TTC6: variants seen among roughly 807,000 people sequenced by gnomAD.
TTC6 encodes the protein tetratricopeptide repeat domain 6.
A neutral mutation model predicts 210.4 loss-of-function variants in TTC6; 172 were observed. That is an observed-to-expected ratio of 0.82 (90% CI 0.72 to 0.93). TTC6 has a LOEUF of 0.93. Among genes scored for constraint, TTC6 ranks in the 40% least tolerant of loss-of-function variants. The pLI is 0.00. For synonymous variants in TTC6, 804 were observed against 819.6 expected, an observed-to-expected ratio of 0.98 and a Z score of 0.32; for missense variants, 2,414 against 2,318.1, an observed-to-expected ratio of 1.04 and a Z score of -0.85.
chr14:37,725,357 T>C lies in TTC6; in HGVS notation c.1818+355T>C, dbSNP rs1265116918. Among the ~76,000 whole-genome samples the C allele has an allele frequency of 3.9e-5, 5 of 129,440 alleles. No individual in the cohort carries two copies. In the East Asian group the frequency reaches 1.1e-3, roughly 29 times the overall value. 84.9% of individuals were successfully genotyped at this position (129,440 alleles called of 152,430 possible). Reference sequence around the variant, plus strand: ...ATATATATATATATATATATATATATAATTTTTTTTGAGATGGAGTTTTGC... The same window carrying C: ...ATATATATATATATATATATATATACAATTTTTTTTGAGATGGAGTTTTGC... On this transcript the variant is annotated intron_variant, in intron 7 of 30. Transcript: ENST00000553443.
At chr14:37,735,372 T>C (rs2095898816) in intron 7 of TTC6, among the ~76,000 whole-genome samples, 1 of 152,172 alleles carries the variant, frequency 6.6e-6, no homozygotes, top group Non-Finnish European at 1.5e-5. Flanking sequence ...AAACCACTGA[T>C]TACAAGATAG....
intron 29 of TTC6, among the ~76,000 whole-genome samples, chr14:37,836,799 G>C (rs1038904109): frequency 1.2e-4 from 19 of 152,098 alleles, no homozygotes; most frequent in African/African-American, 4.3e-4. Context: ...ATGGAGGTAA[G>C]ACTTAGGCTA....
chr14:37,806,646 A>G, intron 22 of TTC6, 136 bp downstream of exon 24: 1 of 821,548 alleles, frequency 1.2e-6, no homozygotes, highest in Non-Finnish European at 1.8e-6. Flanking sequence ...TATTTTCATA[A>G]TCCAAATAGC....
chr14:37,689,339 G>A (rs1344198865), intron 3 of TTC6, among the ~76,000 whole-genome samples: 1 of 151,916 alleles, frequency 6.6e-6, no homozygotes, highest in Non-Finnish European at 1.5e-5. Context: ...TCTCAAAAGG[G>A]CAAATCTAAG....
rs562098165 is a variant in TTC6, at chr14:37,807,215, C to T, written c.4315-105C>T. ...ATTTTAAAAAGACTATATTTTAATA[C>T]CCTTTTTGGGAGGCATAGATTTGTT... is the stretch of plus-strand genomic sequence containing the variant. On this transcript the variant is annotated intron_variant, in intron 22 of 30. Coordinates refer to ENST00000553443, the Ensembl canonical transcript of TTC6. 12 of 1,043,302 alleles carry T rather than the reference C, an allele frequency of 1.2e-5. No homozygotes were observed. In the South Asian group the frequency reaches 1.4e-4, roughly 12 times the overall value. 64.6% of individuals were successfully genotyped at this position (1,043,302 alleles called of 1,614,324 possible). A position where few individuals can be genotyped will look rare whatever the true frequency, so the allele number is the denominator to read the frequency against.
chr14:37,748,845 C>T (rs564597045), intron 10 of TTC6, 94 bp from the exon 13 acceptor site: 37 of 990,414 alleles, frequency 3.7e-5, no homozygotes, highest in Non-Finnish European at 5.1e-5. Context: ...GTTTTGATAA[C>T]AAATAGTAGT....
chr14:37,709,862 G>C (rs2095841847), intron 5 of TTC6, among the ~76,000 whole-genome samples: 1 of 152,106 alleles, frequency 6.6e-6, no homozygotes, highest in South Asian at 2.1e-4. Context: ...GCTATTTGTA[G>C]ATTAATATTT....
At chr14:37,683,064 G>C in intron 3 of TTC6, 100 bp downstream of exon 5, 1 of 1,025,664 alleles carries the variant, frequency 9.7e-7, no homozygotes, top group South Asian at 1.5e-5. Flanking sequence ...TATGGGGCTG[G>C]GGGCGGGGGT....
chr14:37,651,921 G>A (rs1032018637), intron 1 of TTC6, among the ~76,000 whole-genome samples: 1 of 152,144 alleles, frequency 6.6e-6, no homozygotes, highest in Non-Finnish European at 1.5e-5. Flanking sequence ...AATAGTTTAG[G>A]TTTGATTCTG....
chr14:37,787,638 G>A lies in TTC6; in HGVS notation c.3436+1G>A. On this transcript the variant is annotated splice_donor_variant, in intron 15 of 30. Coordinates refer to ENST00000553443, the Ensembl canonical transcript of TTC6. LOFTEE classifies it high-confidence loss of function. Reference sequence around the variant, plus strand: ...GCGCTACAGGATTATAGTGTTTCAGGTACTTTGCCTTCAATTACATGTATA... The same window carrying A: ...GCGCTACAGGATTATAGTGTTTCAGATACTTTGCCTTCAATTACATGTATA... 6.9e-7 allele frequency: 1 copy of A among 1,445,386 alleles called. No individual in the cohort carries two copies. The highest frequency in any genetic ancestry group is 1.5e-5 in the South Asian group (1 of 68,790). 89.5% of individuals were successfully genotyped at this position (1,445,386 alleles called of 1,614,324 possible).
chr14:37,729,546 G>A (rs761510992), intron 7 of TTC6, among the ~76,000 whole-genome samples: 1 of 152,158 alleles, frequency 6.6e-6, no homozygotes, highest in Non-Finnish European at 1.5e-5. Flanking sequence ...GCTTGATTGT[G>A]ATTGCTTTCA....
chr14:37,615,849 C>T (rs879320886), intron 2 of TTC6, among the ~76,000 whole-genome samples: 5 of 152,166 alleles, frequency 3.3e-5, no homozygotes, highest in African/African-American at 4.8e-5. Flanking sequence ...TTCTAATAAT[C>T]TCAACACCTG....
At chr14:37,602,688 C>T (rs1489017495) in intron 1 of TTC6, among the ~76,000 whole-genome samples, 1 of 152,166 alleles carries the variant, frequency 6.6e-6, no homozygotes, top group Non-Finnish European at 1.5e-5. Context: ...GCACCCCAAC[C>T]TTCCTGCTTT....
At position 37,725,610 on chromosome 14, in the gene TTC6, A is replaced by G. The variant is rs898731335; in HGVS notation, c.1818+608A>G. ...GGTGATCCACCCAGCTTGGTCTCCC[A>G]AAGTGCTGGGATTACAGGGATGAGC... is the stretch of plus-strand genomic sequence containing the variant. On this transcript the variant is annotated intron_variant, in intron 7 of 30. Transcript: ENST00000553443. Among the ~76,000 whole-genome samples the G allele has an allele frequency of 5.3e-5, 8 of 151,882 alleles. 1 individual carries two copies. Among genetic ancestry groups the G allele is most frequent in the Middle Eastern group, 6.8e-3 (2 of 294 alleles).
intron 1 of TTC6, among the ~76,000 whole-genome samples, chr14:37,628,477 T>C (rs1310903452): frequency 6.6e-6 from 1 of 152,222 alleles, no homozygotes. Context: ...TGTAAATTTA[T>C]TTAAGTTCCT....
At position 37,751,079 on chromosome 14, in the gene TTC6, T is replaced by C. The variant is rs911643184; in HGVS notation, c.2983T>C (p.Tyr995His). Residue 995 changes from tyrosine to histidine, a missense_variant, in exon 13 of 31, where the codon TAC becomes CAC. Coordinates refer to ENST00000553443, the Ensembl canonical transcript of TTC6. ...GGCATATTTGTCAAAAGCAGAAATT[T>C]ACAGGGGAAAAAAAGACATAACTTT... is the stretch of plus-strand genomic sequence containing the variant. 6 of 1,524,362 alleles carry C rather than the reference T, an allele frequency of 3.9e-6. No homozygotes were observed. In the African/African-American group the frequency reaches 5.5e-5, roughly 14 times the overall value. The allele number at this position is 1,524,362 out of a possible 1,614,324, so 94.4% of individuals were successfully genotyped here. A position where few individuals can be genotyped will look rare whatever the true frequency, so the allele number is the denominator to read the frequency against.
At chr14:37,637,167 A>AC (rs2095682585) in intron 1 of TTC6, among the ~76,000 whole-genome samples, 2 of 152,186 alleles carry the variant, frequency 1.3e-5, no homozygotes, top group East Asian at 1.9e-4. Context: ...AAGAAAAAAA[A>AC]CCCACCTCAA....
At chr14:37,634,158 A>T (rs2095675500) in intron 1 of TTC6, among the ~76,000 whole-genome samples, 1 of 152,366 alleles carries the variant, frequency 6.6e-6, no homozygotes, top group East Asian at 1.9e-4. Context: ...TGTTGGAATT[A>T]TCTAACAAAG....
intron 1 of TTC6, among the ~76,000 whole-genome samples, chr14:37,657,613 CTA>C (rs1337412263): frequency 6.6e-6 from 1 of 151,994 alleles, no homozygotes; most frequent in Admixed American, 6.6e-5. Flanking sequence ...ATTTAATACA[CTA>C]TTATTAAGTA....
Sources: allele counts gnomAD v4.1 joint callset (sites outside exome capture counted in the v4.1 genomes callset), GRCh38; gene constraint gnomAD v4.1.1; transcripts MANE v1.5; gene names NCBI Gene and HGNC (gene_info 2026-07-23, HGNC 2026-07-21).